CDC14B: variants seen among roughly 807,000 people sequenced by gnomAD.
The protein encoded by CDC14B is cell division cycle 14B.
A neutral mutation model predicts 64.2 loss-of-function variants in CDC14B; 22 were observed. The observed-to-expected ratio is 0.34, with a 90% CI of 0.24 to 0.49. The LOEUF is 0.49. Ranked by LOEUF, CDC14B falls within the 20% of genes least tolerant of loss-of-function variation. CDC14B has a pLI of 0.99. For synonymous variants in CDC14B, 191 were observed against 215.8 expected, an observed-to-expected ratio of 0.89 and a Z score of 1.01; for missense variants, 498 against 629.9, an observed-to-expected ratio of 0.79 and a Z score of 2.24.
intron 9 of CDC14B, among the ~76,000 whole-genome samples, chr9:96,529,777 A>C (rs1838151591): frequency 7.4e-6 from 1 of 134,868 alleles, no homozygotes; most frequent in Admixed American, 6.9e-5. Context: ...ACAGGTGTTA[A>C]GCTACCATGC....
chr9:96,567,005 C>G lies in CDC14B; in HGVS notation c.161-1522G>C, dbSNP rs1844098745. 7.1e-6 allele frequency: 10 copies of G among 1,409,178 alleles called. No homozygotes were observed. In the South Asian group the frequency reaches 1.4e-4, roughly 20 times the overall value. 87.3% of individuals were successfully genotyped at this position (1,409,178 alleles called of 1,614,324 possible). A position where few individuals can be genotyped will look rare whatever the true frequency, so the allele number is the denominator to read the frequency against. On this transcript the variant is annotated intron_variant, in intron 1 of 13. Transcript: ENST00000375241. ...AGCGCAACCCCGGAAGTCCCCAAGT[C>G]CTGGAAAAAGCCCCGCGCGCGACGA...
chr9:96,518,603 C>G (rs1168795354), intron 12 of CDC14B, among the ~76,000 whole-genome samples: 1 of 152,084 alleles, frequency 6.6e-6, no homozygotes, highest in Admixed American at 6.5e-5. Flanking sequence ...TAACCTTACC[C>G]CACAAGTTAT....
At chr9:96,531,441 G>A (rs755415593) in intron 9 of CDC14B, among the ~76,000 whole-genome samples, 5 of 151,916 alleles carry the variant, frequency 3.3e-5, no homozygotes, top group East Asian at 1.9e-4. Flanking sequence ...TCATTTTTAC[G>A]TACTGATCAG....
chr9:96,514,673 G>T, intron 12 of CDC14B: 1 of 985,426 alleles, frequency 1.0e-6, no homozygotes, highest in Non-Finnish European at 1.2e-6. Context: ...AAGTCCAAGA[G>T]GAGACAAGAG....
At chr9:96,508,936 G>A (rs1385008732) in intron 13 of CDC14B, among the ~76,000 whole-genome samples, 3 of 152,270 alleles carry the variant, frequency 2.0e-5, no homozygotes, top group South Asian at 2.1e-4. Flanking sequence ...AGAAGAGATC[G>A]TTTTTACCAG....
At chr9:96,560,264 AG>A (rs1277922179) in intron 4 of CDC14B, among the ~76,000 whole-genome samples, 7 of 152,182 alleles carry the variant, frequency 4.6e-5, no homozygotes, top group African/African-American at 1.7e-4. Context: ...AGTTCTGCTC[AG>A]GAGCACTCTC....
At chr9:96,593,201 T>C (rs189035728) in intron 1 of CDC14B, among the ~76,000 whole-genome samples, 68 of 152,106 alleles carry the variant, frequency 4.5e-4, no homozygotes, top group Non-Finnish European at 7.8e-4. Flanking sequence ...CAAAAAGCCA[T>C]ACTATAGCCA....
intron 13 of CDC14B, among the ~76,000 whole-genome samples, chr9:96,506,530 A>T (rs1564192988): frequency 6.6e-6 from 1 of 152,246 alleles, no homozygotes; most frequent in Non-Finnish European, 1.5e-5. Context: ...AGGTGGGGAA[A>T]TAAACTGTGA....
At chr9:96,595,231 A>G (rs1024424850) in intron 1 of CDC14B, among the ~76,000 whole-genome samples, 3 of 152,248 alleles carry the variant, frequency 2.0e-5, no homozygotes, top group African/African-American at 7.2e-5. Context: ...ACCTGAAAGT[A>G]TCAGACTGTT....
chr9:96,526,050 A>G (rs1300802687), intron 9 of CDC14B, among the ~76,000 whole-genome samples: 1 of 152,062 alleles, frequency 6.6e-6, no homozygotes, highest in Non-Finnish European at 1.5e-5. Flanking sequence ...CCCTAATCCA[A>G]TAGGACTGTT....
intron 6 of CDC14B, among the ~76,000 whole-genome samples, chr9:96,540,080 A>G (rs1564284635): frequency 6.6e-6 from 1 of 152,234 alleles, no homozygotes; most frequent in Non-Finnish European, 1.5e-5. Flanking sequence ...AGTCAATCAC[A>G]AAATTTATTT....
chr9:96,506,914 G>A (rs1360690682), intron 13 of CDC14B, among the ~76,000 whole-genome samples: 2 of 152,188 alleles, frequency 1.3e-5, no homozygotes, highest in African/African-American at 2.4e-5. Flanking sequence ...CCAGGCTCCC[G>A]GACTCTACTC....
At position 96,515,587 on chromosome 9, in the gene CDC14B, T is replaced by C; in HGVS notation, c.1344-5798A>G. ...AGCTGACAAGGAGAAAAACATGCAT[T>C]GTGGGAACCACACTAGGCACCAGAA... On this transcript the variant is annotated intron_variant, in intron 12 of 13. Coordinates refer to ENST00000375241, the MANE Select transcript of CDC14B (RefSeq NM_033331.4). This position sits in a 1 kb window ranked among gnomAD's most constrained non-coding sequence, Gnocchi z 4.3. The C allele has an allele frequency of 6.3e-6, 9 of 1,423,998 alleles. No homozygotes were observed. In the South Asian group the frequency reaches 9.5e-5, roughly 15 times the overall value. The allele number at this position is 1,423,998 out of a possible 1,614,324, so 88.2% of individuals were successfully genotyped here.
At chr9:96,618,962 C>A (rs1441366427) in intron 1 of CDC14B, among the ~76,000 whole-genome samples, 1 of 152,172 alleles carries the variant, frequency 6.6e-6, no homozygotes, top group Non-Finnish European at 1.5e-5. Context: ...GACCCTCGGT[C>A]CATCTTGCTG....
intron 12 of CDC14B, among the ~76,000 whole-genome samples, chr9:96,519,666 G>GGTTGA (rs935460939): frequency 5.6e-4 from 85 of 150,772 alleles, no homozygotes; most frequent in African/African-American, 2.0e-3. Flanking sequence ...GGGAGGCAGA[G>GGTTGA]GTTGCAGTGA....
At chr9:96,615,586 T>G (rs114739094) in intron 1 of CDC14B, among the ~76,000 whole-genome samples, 1,951 of 152,312 alleles carry the variant, frequency 0.013, 45 homozygotes, top group African/African-American at 0.044. Context: ...TGTGAAAGAA[T>G]CTTGTCAATC....
intron 12 of CDC14B, among the ~76,000 whole-genome samples, chr9:96,511,523 AT>A (rs1834905573): frequency 1.3e-5 from 2 of 152,216 alleles, no homozygotes; most frequent in African/African-American, 4.8e-5. Flanking sequence ...GTGAGCCGAG[AT>A]CGTGCCACTG....
intron 1 of CDC14B, among the ~76,000 whole-genome samples, chr9:96,603,791 T>C (rs1459249238): frequency 6.6e-6 from 1 of 151,976 alleles, no homozygotes; most frequent in African/African-American, 2.4e-5. Context: ...AAGATTTTAA[T>C]AAAGAGAGGA....
At chr9:96,524,956 T>C (rs1837336358) in intron 9 of CDC14B, among the ~76,000 whole-genome samples, 1 of 152,170 alleles carries the variant, frequency 6.6e-6, no homozygotes, top group Non-Finnish European at 1.5e-5. Flanking sequence ...AGAAGTGGCT[T>C]TGTGATTGAC....
Sources: gnomAD v4.1 joint callset for allele counts (sites outside exome capture counted in the v4.1 genomes callset) on GRCh38, gnomAD v4.1.1 for gene constraint, Gnocchi (gnomAD v3.1) non-coding constraint, MANE v1.5 for transcripts, NCBI Gene and HGNC (gene_info 2026-07-23, HGNC 2026-07-21) for gene names.